AXIN2: variants seen among roughly 807,000 people sequenced by gnomAD.
AXIN2 encodes the protein axin 2.
Under a neutral mutation model 74.7 loss-of-function variants are expected in AXIN2, and 21 were observed. That is an observed-to-expected ratio of 0.28 (90% CI 0.20 to 0.40). The LOEUF is 0.40. Ranked by LOEUF, AXIN2 falls within the 10% of genes least tolerant of loss-of-function variation. The pLI, the probability that AXIN2 is intolerant of heterozygous loss-of-function variation, is 1.00. For synonymous variants in AXIN2, 532 were observed against 454.9 expected (o/e 1.17, Z -2.16); for missense variants, 1,144 against 1,111.1 (o/e 1.03, Z -0.42).
rs779281114 is a variant in AXIN2, at chr17:65,537,107, A to C, written c.1713-44T>G. 3.2e-6 allele frequency: 5 copies of C among 1,581,478 alleles called. No homozygotes were observed. In the South Asian group the frequency reaches 4.5e-5, roughly 14 times the overall value. ...CACACCCAACCCAGAGACCCGGTTA[A>C]ATCTCCGGGACTCCTAGAATCAGAC... On this transcript the variant is annotated intron_variant, in intron 6 of 10. Transcript: ENST00000307078.
intron 10 of AXIN2, among the ~76,000 whole-genome samples, chr17:65,533,262 C>T (rs921807183): frequency 1.3e-5 from 2 of 152,198 alleles, no homozygotes; most frequent in African/African-American, 2.4e-5. Context: ...CAGGCCTGGA[C>T]AGGAGGAGTA....
rs765473342 is a variant in AXIN2, at chr17:65,558,327, G to A, written c.294C>T (p.Phe98=). ...TATCCACGCATTTCTCCCTCTCCAG[G>A]AAAGTTCGGAACAGGTAAGCACCGT... is the stretch of plus-strand genomic sequence containing the variant. ...DQDGAYLFRT[F]LEREKCVDTL... The change falls in exon 2 of 11, where the codon TTC becomes TTT. Residue 98 remains phenylalanine (F), a synonymous_variant. Transcript: ENST00000307078. 1.2e-6 allele frequency: 2 copies of A among 1,614,182 alleles called. No individual in the cohort carries two copies. Among genetic ancestry groups the A allele is most frequent in the South Asian group, 1.1e-5 (1 of 91,078 alleles).
At chr17:65,531,859 A>G (rs1348504112) in intron 10 of AXIN2, among the ~76,000 whole-genome samples, 1 of 152,098 alleles carries the variant, frequency 6.6e-6, no homozygotes, top group African/African-American at 2.4e-5. Context: ...CCATGTTGAG[A>G]TTACTCAACG....
chr17:65,547,628 A>G (rs2044135658), intron 3 of AXIN2, among the ~76,000 whole-genome samples: 1 of 152,254 alleles, frequency 6.6e-6, no homozygotes, highest in South Asian at 2.1e-4. Flanking sequence ...ATAGTCTCTA[A>G]GAAAACTAAA....
intron 10 of AXIN2, among the ~76,000 whole-genome samples, chr17:65,532,575 C>G (rs1567751259): frequency 6.6e-6 from 1 of 152,194 alleles, no homozygotes; most frequent in Non-Finnish European, 1.5e-5. Flanking sequence ...CATCCCCTCC[C>G]CACTCCAAAG....
intron 9 of AXIN2, among the ~76,000 whole-genome samples, chr17:65,535,253 GT>G (rs1419941471): frequency 2.6e-5 from 4 of 152,150 alleles, no homozygotes; most frequent in African/African-American, 9.7e-5. Flanking sequence ...CACAAGGATG[GT>G]CCCCTCCACC....
At chr17:65,546,180 G>C (rs530633295) in intron 3 of AXIN2, among the ~76,000 whole-genome samples, 26 of 151,960 alleles carry the variant, frequency 1.7e-4, no homozygotes, top group Non-Finnish European at 3.7e-4. Flanking sequence ...GCTTTATGGG[G>C]CGCTCCTATT....
intron 10 of AXIN2, among the ~76,000 whole-genome samples, chr17:65,533,224 C>G (rs962366677): frequency 6.6e-6 from 1 of 152,202 alleles, no homozygotes; most frequent in Admixed American, 6.5e-5. Context: ...CTTCCTGAAG[C>G]CCCTGCAGGG....
rs1242238043 is a variant in AXIN2 at position 65,537,567 on chromosome 17, G to A, written c.1469C>T (p.Ala490Val). 1.7e-5 allele frequency: 27 copies of A among 1,610,278 alleles called. No individual in the cohort carries two copies. The highest frequency in any genetic ancestry group is 4.4e-5 in the South Asian group (4 of 90,966). The change falls in exon 6 of 11, where the codon GCG (alanine) becomes GTG (valine). Residue 490 changes from alanine (A) to valine (V), a missense_variant. This residue lies in a region of AXIN2 where 1,053 missense variants were observed against 973.5 expected (regional missense o/e 1.08). Transcript: ENST00000307078. Reference sequence around the variant, plus strand: ...GGGGCAGGCGCCCGGCGAGGCGGCCGCGGGAGGCAGCTTGCCACCGGGCGG... The same window carrying A: ...GGGGCAGGCGCCCGGCGAGGCGGCCACGGGAGGCAGCTTGCCACCGGGCGG... ...LLPPGGKLPP[A>V]AASPGACPLL...
In AXIN2 at chr17:65,536,993, T is replaced by C. The variant is rs1555577433; in HGVS notation, c.1783A>G (p.Arg595Gly). ...GTEPGLALPA[R>G]EGGAPGGAGA... The stretch of plus-strand genomic sequence containing the variant: ...GCTCCGCCGGGGGCCCCTCCTTCCC[T>C]GGCGGGCAGGGCCAGGCCCGGCTCC... The change falls in exon 7 of 11, where the codon AGG becomes GGG. Residue 595 changes from arginine to glycine, a missense_variant. Physicochemically the swap from Arg to Gly is moderately radical, Grantham distance 125. Around this residue, in one of 4 missense-constraint regions of AXIN2, gnomAD observed 1,053 missense variants for 973.5 expected, o/e 1.08. Transcript: ENST00000307078. 7 of 1,612,494 alleles carry C rather than the reference T, an allele frequency of 4.3e-6. No homozygotes were observed. Among genetic ancestry groups the C allele is most frequent in the Middle Eastern group, 1.8e-4 (1 of 5,528 alleles).
At chr17:65,560,212 T>G (rs1408630239) in intron 1 of AXIN2, 1 of 152,012 alleles carries the variant, frequency 6.6e-6, no homozygotes, top group African/African-American at 2.4e-5. Flanking sequence ...AGTCTCTGCC[T>G]CTCCGCAAAA....
intron 9 of AXIN2, among the ~76,000 whole-genome samples, chr17:65,534,953 G>A (rs1017149292): frequency 2.0e-5 from 3 of 152,100 alleles, no homozygotes; most frequent in Admixed American, 1.3e-4. Flanking sequence ...AAAGTGGCTG[G>A]CCCAGACCCA....
At chr17:65,541,082 G>A (rs2044034453) in intron 4 of AXIN2, among the ~76,000 whole-genome samples, 1 of 152,044 alleles carries the variant, frequency 6.6e-6, no homozygotes, top group Non-Finnish European at 1.5e-5. Flanking sequence ...TCACCATGTT[G>A]GCCAGGCTGG....
intron 2 of AXIN2, among the ~76,000 whole-genome samples, chr17:65,555,368 G>T (rs2044252803): frequency 6.6e-6 from 1 of 152,122 alleles, no homozygotes; most frequent in Admixed American, 6.5e-5. Flanking sequence ...ACCTTAGATG[G>T]GATCTCTACA....
Position 65,549,423 on chromosome 17 carries a change from C to A in AXIN2, c.956+97G>T, listed in dbSNP as rs1016370128. 2.0e-6 allele frequency: 3 copies of A among 1,517,934 alleles called. No homozygotes were observed. In the African/African-American group the frequency reaches 4.1e-5, roughly 21 times the overall value. The allele number at this position is 1,517,934 out of a possible 1,614,324, so 94.0% of individuals were successfully genotyped here. Reference sequence around the variant, plus strand: ...ATGTCCATACATGCACAGGTGCGGTCTGCAAAGCCAGCTGAGGATGACAGA... The same window carrying A: ...ATGTCCATACATGCACAGGTGCGGTATGCAAAGCCAGCTGAGGATGACAGA... On this transcript the variant is annotated intron_variant, in intron 3 of 10. Coordinates refer to ENST00000307078, the MANE Select transcript of AXIN2 (RefSeq NM_004655.4).
At position 65,535,607 on chromosome 17, in the gene AXIN2, G is replaced by T; in HGVS notation, c.2237+19C>A. On this transcript the variant is annotated intron_variant, in intron 9 of 10. Coordinates refer to ENST00000307078, the MANE Select transcript of AXIN2 (RefSeq NM_004655.4). ...AAAGCACTCGGCAGATCTCAGTAAT[G>T]TCAGGTAAAGACACTCACTCTTCTG... is the stretch of plus-strand genomic sequence containing the variant. 1 of 1,606,468 alleles carries T rather than the reference G, an allele frequency of 6.2e-7. No homozygotes were observed. The highest frequency in any genetic ancestry group is 8.5e-7 in the Non-Finnish European group (1 of 1,172,976).
intron 2 of AXIN2, among the ~76,000 whole-genome samples, chr17:65,555,137 C>T (rs2044248952): frequency 6.6e-6 from 1 of 152,202 alleles, no homozygotes; most frequent in East Asian, 1.9e-4. Flanking sequence ...AAAAACGAGG[C>T]TCCTTTGAGT....
intron 3 of AXIN2, among the ~76,000 whole-genome samples, chr17:65,548,566 A>C (rs952504246): frequency 6.6e-6 from 1 of 152,218 alleles, no homozygotes; most frequent in Non-Finnish European, 1.5e-5. Context: ...TGGAACAATG[A>C]ATCTCAACCG....
Position 65,536,387 on chromosome 17 carries a change from T to C in AXIN2, c.2074A>G (p.Asn692Asp). 6.2e-7 allele frequency: 1 copy of C among 1,613,720 alleles called. No individual in the cohort carries two copies. The highest frequency in any genetic ancestry group is 8.5e-7 in the Non-Finnish European group (1 of 1,179,992). The change falls in exon 8 of 11, where the codon AAC (asparagine) becomes GAC (aspartate). Residue 692 changes from asparagine to aspartate, a missense_variant. Coordinates refer to ENST00000307078, the MANE Select transcript of AXIN2 (RefSeq NM_004655.4). The part of the protein sequence containing the change: ...DPAMPPLTPP[N>D]TLAQLEEACR... ...GCCTCCTCCAGCTGAGCCAGCGTGT[T>C]GGGTGGGGTCAGGGGAGGCATCGCA...
Sources: gnomAD v4.1 joint callset for allele counts (sites outside exome capture counted in the v4.1 genomes callset) on GRCh38, gnomAD v4.1.1 for gene constraint, gnomAD v4.1.1 regional missense constraint, MANE v1.5 for transcripts, NCBI Gene and HGNC (gene_info 2026-07-23, HGNC 2026-07-21) for gene names.